The following LHFPL3 variants were observed in gnomAD, a reference collection of about 807,000 sequenced individuals.
The protein encoded by LHFPL3 is LHFPL tetraspan subfamily member 3 protein.
LHFPL3 carries 5 observed loss-of-function variants against 19.3 expected under a neutral mutation model. That is an observed-to-expected ratio of 0.26 (90% confidence interval 0.14 to 0.54). The LOEUF is 0.54. Among genes scored for constraint, LHFPL3 ranks in the 20% least tolerant of loss-of-function variants. The pLI is 0.94. For missense variants in LHFPL3, 249 were observed against 307.4 expected (o/e 0.81, Z 1.42); for synonymous variants, 133 against 126.2 (o/e 1.05, Z -0.36).
At chr7:104,383,235 A>G (rs563573890) in intron 1 of LHFPL3, among the ~76,000 whole-genome samples, 1 of 152,252 alleles carries the variant, frequency 6.6e-6, no homozygotes, top group South Asian at 2.1e-4. Context: ...TCTTAAGGAG[A>G]CATCTTCTTA....
intron 2 of LHFPL3, among the ~76,000 whole-genome samples, chr7:104,755,354 A>G (rs988336851): frequency 3.3e-5 from 5 of 152,192 alleles, no homozygotes; most frequent in African/African-American, 7.2e-5. Flanking sequence ...AACAAAGGAC[A>G]TGGGTACTGG....
At chr7:104,353,111 G>A (rs942704853) in intron 1 of LHFPL3, among the ~76,000 whole-genome samples, 2 of 152,158 alleles carry the variant, frequency 1.3e-5, no homozygotes, top group Non-Finnish European at 2.9e-5. Flanking sequence ...AAGCACTAAA[G>A]CCCCGACATG....
At position 104,457,813 on chromosome 7, in the gene LHFPL3, G is replaced by A. The variant is rs974991598; in HGVS notation, c.445+128589G>A. 7.0e-5 allele frequency among the ~76,000 whole-genome samples: 10 copies of A among 143,060 alleles called. 1 individual carries two copies. The highest frequency in any genetic ancestry group is 2.3e-4 in the South Asian group (1 of 4,282). The allele number at this position is 143,060 out of a possible 152,430, so 93.9% of individuals were successfully genotyped here. On this transcript the variant is annotated intron_variant, in intron 1 of 2. Coordinates refer to ENST00000424859, the MANE Select transcript of LHFPL3 (RefSeq NM_199000.3). ...CTTTTTAATGATTGCCATTCTAACT[G>A]GTGTGAGATGGTATCTCATTGTGGT...
chr7:104,569,132 T>C (rs1320722011), intron 1 of LHFPL3, among the ~76,000 whole-genome samples: 1 of 152,208 alleles, frequency 6.6e-6, no homozygotes, highest in African/African-American at 2.4e-5. Context: ...AATATAGTGA[T>C]TGAAGAACAG....
intron 2 of LHFPL3, among the ~76,000 whole-genome samples, chr7:104,887,521 G>T (rs960479766): frequency 6.6e-6 from 1 of 152,224 alleles, no homozygotes; most frequent in Non-Finnish European, 1.5e-5. Context: ...ATTGACTGAG[G>T]ACTGCTAGAG....
intron 1 of LHFPL3, among the ~76,000 whole-genome samples, chr7:104,518,910 C>G (rs909834736): frequency 5.9e-5 from 9 of 152,024 alleles, no homozygotes; most frequent in Non-Finnish European, 1.3e-4. Context: ...TCCTTTGTAA[C>G]TAATAAAAAT....
At chr7:104,826,884 G>A (rs1790830614) in intron 2 of LHFPL3, 1 of 151,878 alleles carries the variant, frequency 6.6e-6, no homozygotes, top group Admixed American at 6.6e-5. Context: ...AAAAAAAGAA[G>A]GTATTTTTTA....
intron 1 of LHFPL3, among the ~76,000 whole-genome samples, chr7:104,348,676 C>T (rs868424797): frequency 6.6e-6 from 1 of 152,144 alleles, no homozygotes; most frequent in Non-Finnish European, 1.5e-5. Flanking sequence ...AGATTGTTTT[C>T]CAAAAGAAAT....
chr7:104,874,364 T>C (rs1791893328), intron 2 of LHFPL3, among the ~76,000 whole-genome samples: 1 of 151,480 alleles, frequency 6.6e-6, no homozygotes, highest in Non-Finnish European at 1.5e-5. Context: ...TTTCTGCTGA[T>C]AGTGTTTTAA....
At chr7:104,383,530 A>C (rs377106834) in intron 1 of LHFPL3, among the ~76,000 whole-genome samples, 1 of 152,338 alleles carries the variant, frequency 6.6e-6, no homozygotes, top group African/African-American at 2.4e-5. Context: ...TAGCATTTAC[A>C]GATTGAATAC....
intron 1 of LHFPL3, among the ~76,000 whole-genome samples, chr7:104,533,202 A>G (rs1212900648): frequency 6.6e-6 from 1 of 152,228 alleles, no homozygotes; most frequent in African/African-American, 2.4e-5. Flanking sequence ...CTCTGCCAGC[A>G]CTGGATATGA....
intron 2 of LHFPL3, among the ~76,000 whole-genome samples, chr7:104,812,625 C>A (rs1790493179): frequency 6.6e-6 from 1 of 150,942 alleles, no homozygotes; most frequent in South Asian, 2.1e-4. Flanking sequence ...CATAGAGAGA[C>A]CCCATCTCTA....
Position 104,824,646 on chromosome 7 carries a change from TA to T in LHFPL3, c.683-81540del, listed in dbSNP as rs1323041102. ...ATTTTATATATATTATTTTATATAT[TA>T]TATATAATTATATATTTATATATTT... is the stretch of plus-strand genomic sequence containing the variant. On this transcript the variant is annotated intron_variant, in intron 2 of 2. Coordinates refer to ENST00000424859, the MANE Select transcript of LHFPL3 (RefSeq NM_199000.3). Among the ~76,000 whole-genome samples the T allele has an allele frequency of 1.4e-4, 12 of 88,248 alleles. 1 individual carries two copies. The East Asian group carries it at 2.4e-3, about 18-fold the overall frequency. The allele number at this position is 88,248 out of a possible 152,430, so 57.9% of individuals were successfully genotyped here. A position where few individuals can be genotyped will look rare whatever the true frequency, so the allele number is the denominator to read the frequency against.
chr7:104,385,731 C>G (rs73712114), intron 1 of LHFPL3, among the ~76,000 whole-genome samples: 2,345 of 152,230 alleles, frequency 0.015, 51 homozygotes, highest in African/African-American at 0.053. Context: ...ACTAAGGTAA[C>G]TGCACTTTCT....
intron 1 of LHFPL3, among the ~76,000 whole-genome samples, chr7:104,553,332 C>G (rs543390729): frequency 6.6e-6 from 1 of 152,226 alleles, no homozygotes; most frequent in African/African-American, 2.4e-5. Context: ...CTGTAAGGCA[C>G]AAAAATATGC....
At chr7:104,572,864 G>A (rs986905452) in intron 1 of LHFPL3, among the ~76,000 whole-genome samples, 13 of 152,274 alleles carry the variant, frequency 8.5e-5, no homozygotes, top group African/African-American at 3.1e-4. Context: ...AGAGTCTCAA[G>A]TTGATGCTAA....
intron 1 of LHFPL3, among the ~76,000 whole-genome samples, chr7:104,363,971 T>C (rs137962919): frequency 3.2e-4 from 49 of 152,326 alleles, no homozygotes; most frequent in African/African-American, 1.2e-3. Flanking sequence ...ATATATTTAA[T>C]TCAAATGTTG....
intron 1 of LHFPL3, among the ~76,000 whole-genome samples, chr7:104,728,331 A>G (rs998069777): frequency 1.3e-5 from 2 of 152,136 alleles, no homozygotes; most frequent in African/African-American, 2.4e-5. Flanking sequence ...CAGGAATTAT[A>G]TGGCCCTGAT....
chr7:104,773,963 C>T (rs1794602037), intron 2 of LHFPL3, among the ~76,000 whole-genome samples: 1 of 152,200 alleles, frequency 6.6e-6, no homozygotes, highest in South Asian at 2.1e-4. Context: ...GTTACAACAG[C>T]CCTAGAGACG....
Sources: gnomAD v4.1 joint callset for allele counts (sites outside exome capture counted in the v4.1 genomes callset) on GRCh38, gnomAD v4.1.1 for gene constraint, MANE v1.5 for transcripts, NCBI Gene and HGNC (gene_info 2026-07-23, HGNC 2026-07-21) for gene names.